SLC6A6: variants seen among roughly 807,000 people sequenced by gnomAD.
SLC6A6 encodes solute carrier family 6 member 6, also known as sodium- and chloride-dependent taurine transporter.
In SLC6A6, 16 loss-of-function variants were observed where a neutral mutation model predicts 68.8. The observed-to-expected ratio is 0.23, with a 90% CI of 0.16 to 0.35. The LOEUF (loss-of-function observed/expected upper bound fraction) is 0.35, where lower values mean the gene tolerates loss of function less well. Among genes scored for constraint, SLC6A6 ranks in the 10% least tolerant of loss-of-function variants. SLC6A6 has a pLI of 1.00. For missense variants in SLC6A6, 474 were observed against 802.8 expected (o/e 0.59, Z 4.95); for synonymous variants, 312 against 315.4 (o/e 0.99, Z 0.12).
intron 2 of SLC6A6, among the ~76,000 whole-genome samples, chr3:14,435,555 C>T (rs1699833386): frequency 6.6e-6 from 1 of 152,216 alleles, no homozygotes. Flanking sequence ...TTGTTCCGGG[C>T]AAAACAATGC....
chr3:14,451,185 C>T (rs946961866), intron 5 of SLC6A6, among the ~76,000 whole-genome samples: 4 of 152,214 alleles, frequency 2.6e-5, no homozygotes, highest in African/African-American at 9.7e-5. Context: ...TATGATCTCA[C>T]CCTGGCAGAA....
intron 2 of SLC6A6, among the ~76,000 whole-genome samples, chr3:14,440,633 G>A (rs899933542): frequency 6.6e-6 from 1 of 152,186 alleles, no homozygotes; most frequent in Non-Finnish European, 1.5e-5. Context: ...GGGCAGAGTA[G>A]CAGCAGGGAG....
chr3:14,429,772 G>A (rs989962526), intron 2 of SLC6A6, among the ~76,000 whole-genome samples: 2 of 152,192 alleles, frequency 1.3e-5, no homozygotes, highest in African/African-American at 4.8e-5. Flanking sequence ...CCTCATGTGA[G>A]GATTTTGGTC....
chr3:14,403,443 C>T (rs1381143143), intron 1 of SLC6A6, among the ~76,000 whole-genome samples: 2 of 152,156 alleles, frequency 1.3e-5, no homozygotes, highest in Admixed American at 1.3e-4. Context: ...CTCCAGGTCC[C>T]TGGTTGTGGG....
At position 14,468,131 on chromosome 3, in the gene SLC6A6, G is replaced by C; in HGVS notation, c.1015G>C (p.Val339Leu). The C allele has an allele frequency of 6.2e-7, 1 of 1,614,164 alleles. No individual in the cohort carries two copies. Among genetic ancestry groups the C allele is most frequent in the Non-Finnish European group, 8.5e-7 (1 of 1,180,018 alleles). ...LGCLNSGTSF[V>L]SGFAIFSILG... is the part of the protein sequence containing the mutation. ...ATGCCTGAACAGTGGTACCAGTTTT[G>C]TGTCTGGCTTCGCAATTTTTTCCAT... Residue 339 changes from valine (V) to leucine (L), a missense_variant, in exon 9 of 15, where the codon GTG (valine) becomes CTG (leucine). Physicochemically the swap from Val to Leu is conservative, Grantham distance 32 (BLOSUM62 1). Transcript: ENST00000622186. The surrounding 1 kb of genome is among the most constrained non-coding windows in gnomAD (Gnocchi z 4.5).
At chr3:14,436,531 C>CTTTTTT (rs58996264) in intron 2 of SLC6A6, among the ~76,000 whole-genome samples, 40 of 112,558 alleles carry the variant, frequency 3.6e-4, no homozygotes, top group East Asian at 2.3e-3. Context: ...CAACAACTCC[C>CTTTTTT]TTTTTTTTTT....
intron 1 of SLC6A6, among the ~76,000 whole-genome samples, chr3:14,408,862 A>AGGCTGGAGTGCG (rs1559281635): frequency 1.3e-5 from 2 of 151,456 alleles, no homozygotes; most frequent in Non-Finnish European, 2.9e-5. Context: ...GCTGGAGTGC[A>AGGCTGGAGTGCG]GTGGCGTGAT....
chr3:14,436,531 C>CGTTTTT (rs1699855260), intron 2 of SLC6A6, among the ~76,000 whole-genome samples: 1 of 112,464 alleles, frequency 8.9e-6, no homozygotes, highest in African/African-American at 3.3e-5. Flanking sequence ...CAACAACTCC[C>CGTTTTT]TTTTTTTTTT....
At chr3:14,422,295 C>T (rs911180748) in intron 2 of SLC6A6, among the ~76,000 whole-genome samples, 2 of 152,184 alleles carry the variant, frequency 1.3e-5, no homozygotes, top group African/African-American at 2.4e-5. Flanking sequence ...CCTTTATCTA[C>T]TCATGTCTCC....
intron 2 of SLC6A6, among the ~76,000 whole-genome samples, chr3:14,424,413 CCAGA>C (rs1485040951): frequency 6.6e-6 from 1 of 151,750 alleles, no homozygotes; most frequent in African/African-American, 2.4e-5. Flanking sequence ...CAGTTGGGCA[CCAGA>C]CAGTGAGGGC....
At chr3:14,421,533 C>T (rs1299543746) in intron 2 of SLC6A6, among the ~76,000 whole-genome samples, 2 of 152,220 alleles carry the variant, frequency 1.3e-5, no homozygotes, top group South Asian at 2.1e-4. Context: ...TAGCTCAGAA[C>T]GGCACATAGC....
At chr3:14,409,883 A>C (rs1461434840) in intron 1 of SLC6A6, among the ~76,000 whole-genome samples, 1 of 152,186 alleles carries the variant, frequency 6.6e-6, no homozygotes, top group Non-Finnish European at 1.5e-5. Context: ...CAGGAAGATA[A>C]AGCCATCAAA....
rs746267081 is a variant in SLC6A6, at chr3:14,481,871, G to T, written c.1722+30G>T. 1 of 1,599,238 alleles carries T rather than the reference G, an allele frequency of 6.3e-7. No individual in the cohort carries two copies. The highest frequency in any genetic ancestry group is 1.3e-5 in the African/African-American group (1 of 74,610). On this transcript the variant is annotated intron_variant, in intron 14 of 14. Transcript: ENST00000622186. This position sits in a 1 kb window ranked among gnomAD's most constrained non-coding sequence, Gnocchi z 4.7. ...GTGCTTGGGCCCAGGGCCAGGGGAGGTGGGAGGCGCGAGGCCAAAGGTGAT... is the reference window on the plus strand; with the variant it reads ...GTGCTTGGGCCCAGGGCCAGGGGAGTTGGGAGGCGCGAGGCCAAAGGTGAT...
chr3:14,429,445 C>T (rs921042765), intron 2 of SLC6A6, among the ~76,000 whole-genome samples: 4 of 152,228 alleles, frequency 2.6e-5, no homozygotes, highest in Non-Finnish European at 4.4e-5. Flanking sequence ...AGAAGTGAAA[C>T]TCAGCCTGGC....
intron 6 of SLC6A6, among the ~76,000 whole-genome samples, chr3:14,460,689 G>A (rs1464032451): frequency 6.6e-6 from 1 of 152,242 alleles, no homozygotes; most frequent in Non-Finnish European, 1.5e-5. Context: ...GAGCAAAGAC[G>A]TGATCTTCCA....
At chr3:14,411,895 GGACGTCA>G (rs1341118512) in intron 1 of SLC6A6, among the ~76,000 whole-genome samples, 7 of 152,192 alleles carry the variant, frequency 4.6e-5, no homozygotes, top group African/African-American at 1.7e-4. Flanking sequence ...GCAGGGCTAT[GGACGTCA>G]GACAAAAGAT....
At chr3:14,406,800 G>A (rs539342393) in intron 1 of SLC6A6, among the ~76,000 whole-genome samples, 12 of 152,210 alleles carry the variant, frequency 7.9e-5, no homozygotes, top group Admixed American at 1.3e-4. Flanking sequence ...AAGCTCCAGC[G>A]TTGTGTGGCC....
At chr3:14,417,896 T>C (rs1359127449) in intron 2 of SLC6A6, among the ~76,000 whole-genome samples, 1 of 152,122 alleles carries the variant, frequency 6.6e-6, no homozygotes, top group Non-Finnish European at 1.5e-5. Flanking sequence ...TTTCTTTTAG[T>C]TCAGGATCGT....
intron 7 of SLC6A6, among the ~76,000 whole-genome samples, chr3:14,467,093 G>C (rs1294459683): frequency 6.6e-6 from 1 of 152,164 alleles, no homozygotes; most frequent in Non-Finnish European, 1.5e-5. Context: ...GAGGGTCCAC[G>C]GGCAGATACC....
Sources: gnomAD v4.1 joint callset for allele counts (sites outside exome capture counted in the v4.1 genomes callset) on GRCh38, gnomAD v4.1.1 for gene constraint, Gnocchi (gnomAD v3.1) non-coding constraint, MANE v1.5 for transcripts, NCBI Gene and HGNC (gene_info 2026-07-23, HGNC 2026-07-21) for gene names.